FHIP1A: variants seen among roughly 807,000 people sequenced by gnomAD.
FHIP1A encodes the protein FHF complex subunit HOOK interacting protein 1A.
In FHIP1A, 61 loss-of-function variants were observed where a neutral mutation model predicts 88.6. The ratio of observed to expected loss-of-function variants is 0.69; its 90% CI spans 0.56 to 0.85. The LOEUF (loss-of-function observed/expected upper bound fraction) is 0.85, where lower values mean the gene tolerates loss of function less well. Among genes scored for constraint, FHIP1A ranks in the 40% least tolerant of loss-of-function variants. FHIP1A has a pLI of 0.00. For missense variants in FHIP1A, 1,154 were observed against 1,273.5 expected, an observed-to-expected ratio of 0.91 and a Z score of 1.43; for synonymous variants, 478 against 496.0, an observed-to-expected ratio of 0.96 and a Z score of 0.48.
At chr4:151,593,541 C>T (rs1336883552) in intron 7 of FHIP1A, among the ~76,000 whole-genome samples, 3 of 152,090 alleles carry the variant, frequency 2.0e-5, no homozygotes, top group Non-Finnish European at 2.9e-5. Context: ...AGTGGGAGTT[C>T]ACTCATAATT....
At chr4:151,537,861 A>G (rs563046330) in intron 3 of FHIP1A, among the ~76,000 whole-genome samples, 14 of 152,194 alleles carry the variant, frequency 9.2e-5, no homozygotes, top group Non-Finnish European at 5.9e-5. Flanking sequence ...TCAGGCTGTC[A>G]GAGCTTTTCT....
Position 151,419,585 on chromosome 4 carries a change from T to A in FHIP1A, c.-356+10120T>A, listed in dbSNP as rs1282514912. ...TCCTCATTCTTTTTTTTTTTTTTTT[T>A]TTTTTTTTTTTTTTTTTATTATACT... On this transcript the variant is annotated intron_variant, in intron 1 of 13. Coordinates refer to ENST00000435205, the MANE Select transcript of FHIP1A (RefSeq NM_001109977.3). 1.8e-4 allele frequency among the ~76,000 whole-genome samples: 11 copies of A among 60,432 alleles called. 1 individual carries two copies. Among genetic ancestry groups the A allele is most frequent in the Non-Finnish European group, 3.1e-4 (9 of 28,890 alleles). The allele number at this position is 60,432 out of a possible 152,430, so 39.6% of individuals were successfully genotyped here.
intron 3 of FHIP1A, among the ~76,000 whole-genome samples, chr4:151,535,087 CA>C (rs1175296460): frequency 2.6e-5 from 4 of 152,010 alleles, no homozygotes; most frequent in African/African-American, 9.7e-5. Context: ...TGGTGGTGCA[CA>C]CCTGTAGTAC....
At position 151,663,958 on chromosome 4, in the gene FHIP1A, C is replaced by T. The variant is rs1737570365; in HGVS notation, c.*1204C>T. On this transcript the variant is annotated 3_prime_UTR_variant, in exon 14 of 14. Coordinates refer to ENST00000435205, the MANE Select transcript of FHIP1A (RefSeq NM_001109977.3). Reference sequence around the variant, plus strand: ...TCCCTCTGCTGCTTTGCAGCCTGCTCCAAGAGGCAGGATTATACTTAGAGC... The same window carrying T: ...TCCCTCTGCTGCTTTGCAGCCTGCTTCAAGAGGCAGGATTATACTTAGAGC... Among the ~76,000 whole-genome samples the T allele has an allele frequency of 6.6e-6, 1 of 152,284 alleles. No homozygotes were observed. The highest frequency in any genetic ancestry group is 2.4e-5 in the African/African-American group (1 of 41,558).
intron 2 of FHIP1A, among the ~76,000 whole-genome samples, chr4:151,472,717 G>A (rs1729568109): frequency 1.4e-5 from 2 of 148,026 alleles, no homozygotes; most frequent in Admixed American, 1.4e-4. Flanking sequence ...CAGCCACTCT[G>A]TTCTTCTGAA....
intron 4 of FHIP1A, 41 bp downstream of exon 4, chr4:151,566,405 C>T (rs1273517911): frequency 2.6e-6 from 3 of 1,165,246 alleles, no homozygotes; most frequent in Middle Eastern, 1.9e-4. Flanking sequence ...TCTCAGTAAC[C>T]CCAGGGGCCT....
chr4:151,649,712 A>G lies in FHIP1A; in HGVS notation c.1671A>G (p.Gln557=), dbSNP rs766848601. Residue 557 remains glutamine, a synonymous_variant, in exon 11 of 14, where the codon CAA becomes CAG. Transcript: ENST00000435205. ...SACPVFGLPQ[Q]LPRKTGPQLA... ...GCCCTGTGTTCGGGCTCCCGCAACA[A>G]CTCCCCAGGAAGACAGGACCTCAGC... The G allele has an allele frequency of 2.2e-5, 34 of 1,551,328 alleles. No homozygotes were observed. Among genetic ancestry groups the G allele is most frequent in the Non-Finnish European group, 3.0e-5 (34 of 1,146,956 alleles).
intron 3 of FHIP1A, among the ~76,000 whole-genome samples, chr4:151,509,614 G>A (rs1483434985): frequency 6.6e-6 from 1 of 152,178 alleles, no homozygotes; most frequent in Non-Finnish European, 1.5e-5. Context: ...TGACACATAA[G>A]TAAATAGTGG....
intron 3 of FHIP1A, among the ~76,000 whole-genome samples, chr4:151,535,140 C>G (rs879657818): frequency 2.0e-5 from 3 of 152,092 alleles, no homozygotes; most frequent in Admixed American, 6.6e-5. Context: ...TGCTTGAGCC[C>G]CGGAAATCAA....
intron 3 of FHIP1A, among the ~76,000 whole-genome samples, chr4:151,486,264 A>T (rs1260479090): frequency 6.6e-6 from 1 of 152,070 alleles, no homozygotes; most frequent in Non-Finnish European, 1.5e-5. Flanking sequence ...GCTCTAGGTG[A>T]TTCTGATATG....
intron 3 of FHIP1A, among the ~76,000 whole-genome samples, chr4:151,509,819 C>T (rs1241464212): frequency 6.6e-6 from 1 of 151,848 alleles, no homozygotes; most frequent in Non-Finnish European, 1.5e-5. Flanking sequence ...AAATTAATTT[C>T]CCCCCACGAT....
At chr4:151,617,843 G>A (rs1023030069) in intron 7 of FHIP1A, among the ~76,000 whole-genome samples, 44 of 152,216 alleles carry the variant, frequency 2.9e-4, no homozygotes, top group African/African-American at 9.9e-4. Context: ...CTGAGATTGC[G>A]CCACTGCACT....
chr4:151,531,371 C>T (rs1731871697), intron 3 of FHIP1A, among the ~76,000 whole-genome samples: 4 of 151,898 alleles, frequency 2.6e-5, no homozygotes, highest in African/African-American at 4.8e-5. Context: ...TGTGCTTTCT[C>T]CTCCTCTCCC....
At position 151,533,929 on chromosome 4, in the gene FHIP1A, G is replaced by A. The variant is rs184249025; in HGVS notation, c.-122-32209G>A. ...TAATCAATCATTCATCATCTTCTGA[G>A]GCAGATATAAACCCATTTGCTTTTA... On this transcript the variant is annotated intron_variant, in intron 3 of 13. Transcript: ENST00000435205. Among the ~76,000 whole-genome samples, 133 of 152,322 alleles carry A rather than the reference G, an allele frequency of 8.7e-4. 1 individual carries two copies. The East Asian group carries it at 0.014, about 17-fold the overall frequency.
At chr4:151,549,088 G>A (rs1325523269) in intron 3 of FHIP1A, among the ~76,000 whole-genome samples, 1 of 151,788 alleles carries the variant, frequency 6.6e-6, no homozygotes, top group South Asian at 2.1e-4. Flanking sequence ...GAGGGCAGGT[G>A]TATGAGCCAG....
intron 1 of FHIP1A, among the ~76,000 whole-genome samples, chr4:151,440,849 A>G (rs542220416): frequency 2.6e-4 from 40 of 152,228 alleles, no homozygotes; most frequent in Admixed American, 7.8e-4. Flanking sequence ...GCAAATTCCC[A>G]GTTTTTGCAG....
intron 10 of FHIP1A, among the ~76,000 whole-genome samples, chr4:151,647,771 T>C (rs1736853949): frequency 6.6e-6 from 1 of 152,218 alleles, no homozygotes; most frequent in Non-Finnish European, 1.5e-5. Flanking sequence ...GGCGTCTTTC[T>C]AAATTTACTA....
chr4:151,421,263 T>G (rs746262851), intron 1 of FHIP1A, among the ~76,000 whole-genome samples: 43 of 152,216 alleles, frequency 2.8e-4, no homozygotes, highest in Non-Finnish European at 5.4e-4. Flanking sequence ...TACACAAATT[T>G]CATATAAGCA....
intron 2 of FHIP1A, among the ~76,000 whole-genome samples, chr4:151,481,662 A>T (rs1473559229): frequency 6.6e-6 from 1 of 152,114 alleles, no homozygotes; most frequent in East Asian, 1.9e-4. Flanking sequence ...TCCATGTTTT[A>T]AATTTAAGTA....
Sources: allele counts gnomAD v4.1 joint callset (sites outside exome capture counted in the v4.1 genomes callset), GRCh38; gene constraint gnomAD v4.1.1; transcripts MANE v1.5; gene names NCBI Gene and HGNC (gene_info 2026-07-23, HGNC 2026-07-21).